GSE1: variants seen among roughly 807,000 people sequenced by gnomAD.
GSE1 encodes the protein Gse1 coiled-coil protein.
In GSE1, 32 loss-of-function variants were observed where a neutral mutation model predicts 112.6. The observed-to-expected ratio is 0.28, with a 90% CI of 0.21 to 0.38. GSE1 has a LOEUF of 0.38. GSE1 is among the 10% of genes least tolerant of loss of function. The pLI, the probability that GSE1 is intolerant of heterozygous loss-of-function variation, is 1.00. For missense variants in GSE1, 2,348 were observed against 1,699.2 expected, an observed-to-expected ratio of 1.38 and a Z score of -6.71; for synonymous variants, 1,115 against 735.6, an observed-to-expected ratio of 1.52 and a Z score of -8.35.
At chr16:85,533,238 T>C (rs1039764406) in intron 2 of GSE1, among the ~76,000 whole-genome samples, 6 of 145,110 alleles carry the variant, frequency 4.1e-5, no homozygotes, top group African/African-American at 1.5e-4. Flanking sequence ...GGCGAAAACC[T>C]GTCTCTACTA....
chr16:85,315,990 C>T (rs2045977925), intron 1 of GSE1, among the ~76,000 whole-genome samples: 2 of 152,314 alleles, frequency 1.3e-5, no homozygotes, highest in African/African-American at 4.8e-5. Context: ...CCATGGTGCC[C>T]CTGCTGGGCT....
intron 2 of GSE1, among the ~76,000 whole-genome samples, chr16:85,364,648 A>G (rs1597493568): frequency 6.6e-6 from 1 of 151,954 alleles, no homozygotes; most frequent in South Asian, 2.1e-4. Context: ...ATGTCCCATC[A>G]CCAGCGGGCA....
intron 2 of GSE1, among the ~76,000 whole-genome samples, chr16:85,526,136 C>A (rs2052357185): frequency 2.6e-5 from 4 of 152,202 alleles, no homozygotes; most frequent in Admixed American, 2.6e-4. Context: ...GACTCGCAGC[C>A]CACCAGCCGG....
intron 1 of GSE1, chr16:85,583,403 G>A (rs1223651003): frequency 1.3e-5 from 2 of 152,298 alleles, no homozygotes; most frequent in African/African-American, 2.4e-5. Context: ...GGGCCCCAGG[G>A]TGGTTTTGTT....
chr16:85,514,023 A>G (rs1185241803), intron 2 of GSE1, among the ~76,000 whole-genome samples: 1 of 152,044 alleles, frequency 6.6e-6, no homozygotes, highest in Admixed American at 6.5e-5. Context: ...TCCTAAAGAA[A>G]ACAAAAGACC....
intron 1 of GSE1, among the ~76,000 whole-genome samples, chr16:85,590,199 T>C (rs2046928722): frequency 6.6e-6 from 1 of 152,008 alleles, no homozygotes; most frequent in Non-Finnish European, 1.5e-5. Context: ...AATGAATGTG[T>C]GTGATTGTGT....
intron 2 of GSE1, among the ~76,000 whole-genome samples, chr16:85,386,434 G>A (rs951909903): frequency 2.6e-5 from 4 of 152,164 alleles, no homozygotes; most frequent in Admixed American, 2.6e-4. Context: ...ATGACGTAAC[G>A]CACGGGGGTT....
chr16:85,206,995 G>T (rs898447268), intron 1 of GSE1, among the ~76,000 whole-genome samples: 1 of 152,212 alleles, frequency 6.6e-6, no homozygotes, highest in Non-Finnish European at 1.5e-5. Context: ...GCGGTCCGGC[G>T]GGCTGGCCTC....
intron 2 of GSE1, among the ~76,000 whole-genome samples, chr16:85,646,896 G>GGT (rs1555560087): frequency 1.3e-5 from 2 of 151,986 alleles, no homozygotes; most frequent in Non-Finnish European, 2.9e-5. Context: ...ACAACAAGGG[G>GGT]GGGGGTGGGG....
At chr16:85,326,223 C>G (rs983549231) in intron 1 of GSE1, among the ~76,000 whole-genome samples, 1 of 151,904 alleles carries the variant, frequency 6.6e-6, no homozygotes, top group Admixed American at 6.6e-5. Context: ...GGCGGTTAAG[C>G]CTAAGGGTTA....
chr16:85,547,275 G>A (rs1169202213), intron 2 of GSE1, among the ~76,000 whole-genome samples: 4 of 152,160 alleles, frequency 2.6e-5, no homozygotes, highest in Non-Finnish European at 4.4e-5. Context: ...CTGCAAACTG[G>A]GTGGCAGCTT....
intron 1 of GSE1, among the ~76,000 whole-genome samples, chr16:85,628,030 G>C (rs752675706): frequency 6.6e-6 from 1 of 152,196 alleles, no homozygotes; most frequent in Non-Finnish European, 1.5e-5. Context: ...ACCAGGCCTG[G>C]AGGGGCAGGA....
In GSE1 at chr16:85,321,549, A is replaced by G. The variant is rs146591599; in HGVS notation, c.2284-35914A>G. Among the ~76,000 whole-genome samples, 664 of 152,230 alleles carry G rather than the reference A, an allele frequency of 4.4e-3. 8 individuals carry two copies. Among genetic ancestry groups the G allele is most frequent in the African/African-American group, 0.015 (638 of 41,558 alleles). On this transcript the variant is annotated intron_variant, in intron 1 of 2. Coordinates refer to the GSE1 transcript ENST00000637419. ...TTGGGGAGACTGAGGCAGGAGGATC[A>G]TTTGAGCCCGGGGGAGTTTGAAGTG...
intron 2 of GSE1, among the ~76,000 whole-genome samples, chr16:85,477,125 G>A (rs1385057412): frequency 2.0e-5 from 3 of 151,766 alleles, no homozygotes; most frequent in Admixed American, 6.6e-5. Flanking sequence ...ACGGGGTTTC[G>A]CCATGTTGGC....
rs142794546 is a variant in GSE1 at position 85,591,569 on chromosome 16, C to T, written c.37+35206C>T. On this transcript the variant is annotated intron_variant, in intron 1 of 2. Coordinates refer to the GSE1 transcript ENST00000635906. Reference sequence around the variant, plus strand: ...GTCCTGGAGGCAGTCACCTGGCTGTCGGCAGTGCCCCCCGTGGCAAGACCA... The same window carrying T: ...GTCCTGGAGGCAGTCACCTGGCTGTTGGCAGTGCCCCCCGTGGCAAGACCA... 1.5e-3 allele frequency among the ~76,000 whole-genome samples: 231 copies of T among 152,322 alleles called. 1 individual carries two copies. Among genetic ancestry groups the T allele is most frequent in the African/African-American group, 5.1e-3 (213 of 41,582 alleles).
rs1246494839 is a variant in GSE1 at position 85,311,178 on chromosome 16, C to T, written c.2284-46285C>T. On this transcript the variant is annotated intron_variant, in intron 1 of 2. Transcript: ENST00000637419. The surrounding 1 kb of genome is among the most constrained non-coding windows in gnomAD (Gnocchi z 4.2). ...AATTCCAGAGGCCCATCGGATGCCC[C>T]TGGTTCCCAGGGTGCCCCCAGCAGA... Among the ~76,000 whole-genome samples the T allele has an allele frequency of 6.6e-6, 1 of 152,204 alleles. No homozygotes were observed. Among genetic ancestry groups the T allele is most frequent in the African/African-American group, 2.4e-5 (1 of 41,470 alleles).
intron 1 of GSE1, among the ~76,000 whole-genome samples, chr16:85,189,717 G>T (rs1053013475): frequency 6.6e-6 from 1 of 152,164 alleles, no homozygotes; most frequent in Non-Finnish European, 1.5e-5. Flanking sequence ...CTCCCATGAG[G>T]TTTATTTCTT....
chr16:85,237,267 T>C (rs1904757965), intron 1 of GSE1, among the ~76,000 whole-genome samples: 1 of 151,886 alleles, frequency 6.6e-6, no homozygotes, highest in South Asian at 2.1e-4. Flanking sequence ...AGGTTGCAGT[T>C]TGCTGAGATC....
Position 85,626,764 on chromosome 16 carries a change from C to G in GSE1, c.8-7150C>G, listed in dbSNP as rs954127416. 2.0e-5 allele frequency among the ~76,000 whole-genome samples: 3 copies of G among 151,950 alleles called. No individual in the cohort carries two copies. In the East Asian group the frequency reaches 5.8e-4, roughly 29 times the overall value. On this transcript the variant is annotated intron_variant, in intron 1 of 15. Transcript: ENST00000253458. ...CCGGGATGAAAGGAAGCAGTAATTA[C>G]GGGATCCGCGGGAGGCCGGGAGGGC...
Sources: allele counts gnomAD v4.1 joint callset (sites outside exome capture counted in the v4.1 genomes callset), GRCh38; gene constraint gnomAD v4.1.1; non-coding constraint Gnocchi (gnomAD v3.1); transcripts MANE v1.5; gene names NCBI Gene and HGNC (gene_info 2026-07-23, HGNC 2026-07-21).